ORC2: variants seen among roughly 807,000 people sequenced by gnomAD.
ORC2 encodes the protein origin recognition complex protein 2 homolog.
A neutral mutation model predicts 77.7 loss-of-function variants in ORC2; 37 were observed. That is an observed-to-expected ratio of 0.48 (90% CI 0.37 to 0.63). ORC2 has a LOEUF of 0.63. Ranked by LOEUF, ORC2 falls within the 20% of genes least tolerant of loss-of-function variation. The pLI, the probability that ORC2 is intolerant of heterozygous loss-of-function variation, is 0.00. For missense variants in ORC2, 557 were observed against 661.9 expected (o/e 0.84, Z 1.74); for synonymous variants, 201 against 229.5 (o/e 0.88, Z 1.12).
At chr2:200,933,832 G>T in intron 10 of ORC2, 44 bp downstream of exon 10, 1 of 1,076,646 alleles carries the variant, frequency 9.3e-7, no homozygotes, top group South Asian at 1.4e-5. Context: ...TATTTTTCAG[G>T]ACAGAGTAAA....
Position 200,935,902 on chromosome 2 carries a change from G to A in ORC2, c.515-10C>T, listed in dbSNP as rs754515000. 10 of 1,607,054 alleles carry A rather than the reference G, an allele frequency of 6.2e-6. No individual in the cohort carries two copies. Among genetic ancestry groups the A allele is most frequent in the South Asian group, 5.6e-5 (5 of 89,940 alleles). On this transcript the variant is annotated splice_polypyrimidine_tract_variant and intron_variant, in intron 8 of 17. Coordinates refer to ENST00000234296, the MANE Select transcript of ORC2 (RefSeq NM_006190.5). ...GAATGAGACCTTGGAACTGTGGGGG[G>A]AAAAATAGCAATTTGGACAATTTCA...
Position 200,926,900 on chromosome 2 carries a change from G to T in ORC2, c.918C>A (p.His306Gln). ...KLFHKWMLQLHLGFNIVLYGL... is the reference protein window; with the variant it reads ...KLFHKWMLQLQLGFNIVLYGL... ...CATAAAGCACAATGTTGAACCCAAG[G>T]CTGTTAGGAAAGACAGTATTCATGA... is the stretch of plus-strand genomic sequence containing the variant. Residue 306 changes from histidine (H) to glutamine (Q), a missense_variant and splice_region_variant, in exon 12 of 18, where the codon CAC becomes CAA. Transcript: ENST00000234296. The T allele has an allele frequency of 1.2e-6, 2 of 1,613,206 alleles. No individual in the cohort carries two copies. The highest frequency in any genetic ancestry group is 1.1e-5 in the South Asian group (1 of 90,992).
intron 5 of ORC2, 86 bp downstream of exon 5, chr2:200,949,468 T>C (rs1318844889): frequency 7.0e-6 from 5 of 709,450 alleles, no homozygotes; most frequent in Non-Finnish European, 1.2e-5. Flanking sequence ...TTAGGAAATG[T>C]AGTGGTATAA....
At chr2:200,943,421 G>T (rs759674912) in intron 5 of ORC2, among the ~76,000 whole-genome samples, 10 of 151,434 alleles carry the variant, frequency 6.6e-5, no homozygotes, top group Non-Finnish European at 1.3e-4. Flanking sequence ...TATAATAGAG[G>T]CCATTTTAAA....
intron 13 of ORC2, among the ~76,000 whole-genome samples, chr2:200,923,651 G>T (rs184509098): frequency 6.6e-6 from 1 of 152,192 alleles, no homozygotes; most frequent in African/African-American, 2.4e-5. Context: ...ATATACACAG[G>T]TATTTTTTCC....
chr2:200,951,232 G>T (rs568294876), intron 4 of ORC2, among the ~76,000 whole-genome samples: 5 of 152,082 alleles, frequency 3.3e-5, no homozygotes, highest in Non-Finnish European at 7.4e-5. Flanking sequence ...AATACTCCAT[G>T]GTCAGGATGT....
chr2:200,948,462 G>A (rs1272180701), intron 5 of ORC2, among the ~76,000 whole-genome samples: 2 of 152,168 alleles, frequency 1.3e-5, no homozygotes, highest in Non-Finnish European at 2.9e-5. Context: ...GGTAACTCAA[G>A]TAAGAAAAAT....
At chr2:200,912,740 T>C (rs2040573528) in intron 17 of ORC2, among the ~76,000 whole-genome samples, 1 of 152,192 alleles carries the variant, frequency 6.6e-6, no homozygotes, top group Non-Finnish European at 1.5e-5. Context: ...CCTTTAGATC[T>C]CAGCTCAGTG....
At chr2:200,925,688 A>G (rs1379196897) in intron 13 of ORC2, 148 bp downstream of exon 13, 2 of 295,544 alleles carry the variant, frequency 6.8e-6, no homozygotes, top group South Asian at 6.0e-5. Context: ...GCAGTGAGCC[A>G]TGATCGCACC....
chr2:200,931,244 TCA>T (rs1211240558), intron 11 of ORC2, 93 bp downstream of exon 11: 1 of 516,680 alleles, frequency 1.9e-6, no homozygotes, highest in Non-Finnish European at 3.4e-6. Flanking sequence ...TATCTGAAAC[TCA>T]CTGTAAAAAG....
chr2:200,934,881 C>G (rs2041008253), intron 9 of ORC2, among the ~76,000 whole-genome samples: 1 of 152,150 alleles, frequency 6.6e-6, no homozygotes. Flanking sequence ...TGCTCTGAAC[C>G]TTTAGACAGA....
chr2:200,936,782 C>T (rs1196408983), intron 8 of ORC2, among the ~76,000 whole-genome samples: 1 of 152,148 alleles, frequency 6.6e-6, no homozygotes, highest in Non-Finnish European at 1.5e-5. Flanking sequence ...AACCTCATCC[C>T]TACAACTCCC....
intron 15 of ORC2, among the ~76,000 whole-genome samples, chr2:200,918,075 C>T (rs1044210851): frequency 6.6e-6 from 1 of 152,020 alleles, no homozygotes; most frequent in Admixed American, 6.6e-5. Context: ...CATTTGAATG[C>T]TATATATTTT....
intron 15 of ORC2, among the ~76,000 whole-genome samples, chr2:200,914,576 T>C (rs1269220036): frequency 1.3e-5 from 2 of 152,048 alleles, no homozygotes; most frequent in Non-Finnish European, 2.9e-5. Flanking sequence ...CCCAGGAGTT[T>C]GAGACCACCC....
Position 200,910,057 on chromosome 2 carries a change from C to T in ORC2, c.*1244G>A, listed in dbSNP as rs2040524876. 1 of 152,114 alleles carries T rather than the reference C, an allele frequency of 6.6e-6. No homozygotes were observed. The allele number at this position is 152,114 out of a possible 1,614,324, so 9.4% of individuals were successfully genotyped here. A position where few individuals can be genotyped will look rare whatever the true frequency, so the allele number is the denominator to read the frequency against. The stretch of plus-strand genomic sequence containing the variant: ...TGATTACAGGCATAAGCCATTATGC[C>T]TGGCCAAAATTACTTAATTATATGC... On this transcript the variant is annotated 3_prime_UTR_variant, in exon 18 of 18. Coordinates refer to ENST00000234296, the MANE Select transcript of ORC2 (RefSeq NM_006190.5).
chr2:200,931,680 G>A (rs1469211224), intron 10 of ORC2, among the ~76,000 whole-genome samples: 7 of 152,072 alleles, frequency 4.6e-5, no homozygotes, highest in Non-Finnish European at 1.0e-4. Context: ...AAAGAATTTG[G>A]TAAGTTTTGT....
At chr2:200,960,479 A>G (rs2041552882) in intron 1 of ORC2, among the ~76,000 whole-genome samples, 1 of 152,140 alleles carries the variant, frequency 6.6e-6, no homozygotes. Context: ...AACTGGGTGT[A>G]TTAGAGAAAA....
chr2:200,923,434 G>A (rs146038712), intron 13 of ORC2, among the ~76,000 whole-genome samples: 160 of 152,008 alleles, frequency 1.1e-3, no homozygotes, highest in African/African-American at 3.1e-3. Context: ...ATTTTTTGTC[G>A]AGACAGGGTT....
At chr2:200,920,133 C>A in intron 15 of ORC2, 89 bp downstream of exon 15, 1 of 910,056 alleles carries the variant, frequency 1.1e-6, no homozygotes, top group South Asian at 2.2e-5. Flanking sequence ...CTTCAACTAA[C>A]TAGGGACTTC....
Sources: gnomAD v4.1 joint callset for allele counts (sites outside exome capture counted in the v4.1 genomes callset) on GRCh38, gnomAD v4.1.1 for gene constraint, MANE v1.5 for transcripts, NCBI Gene and HGNC (gene_info 2026-07-23, HGNC 2026-07-21) for gene names.